The following ENPP6 variants were observed in gnomAD, a reference collection of about 807,000 sequenced individuals.
The protein encoded by ENPP6 is glycerophosphocholine cholinephosphodiesterase ENPP6.
A neutral mutation model predicts 42.0 loss-of-function variants in ENPP6; 32 were observed. That is an observed-to-expected ratio of 0.76 (90% CI 0.58 to 1.02). The LOEUF (loss-of-function observed/expected upper bound fraction) is 1.02, where lower values mean the gene tolerates loss of function less well. ENPP6 is among the 50% of genes least tolerant of loss of function. The pLI is 0.00. For missense variants in ENPP6, 552 were observed against 566.8 expected, an observed-to-expected ratio of 0.97 and a Z score of 0.27; for synonymous variants, 213 against 216.0, an observed-to-expected ratio of 0.99 and a Z score of 0.12.
chr4:184,109,850 G>A (rs965569207), intron 6 of ENPP6, among the ~76,000 whole-genome samples: 2 of 93,312 alleles, frequency 2.1e-5, no homozygotes, highest in East Asian at 3.6e-4. Flanking sequence ...AGACAAACGT[G>A]TGTGTGTGTG....
At chr4:184,164,709 A>G (rs971906466) in intron 1 of ENPP6, among the ~76,000 whole-genome samples, 3 of 152,228 alleles carry the variant, frequency 2.0e-5, no homozygotes, top group African/African-American at 4.8e-5. Flanking sequence ...TCGTTACAGC[A>G]GGCCTAGGAA....
intron 6 of ENPP6, among the ~76,000 whole-genome samples, chr4:184,099,739 T>C (rs1415338469): frequency 6.6e-6 from 1 of 152,238 alleles, no homozygotes; most frequent in Non-Finnish European, 1.5e-5. Flanking sequence ...TGTTTTTCCA[T>C]GGGAAGGTTT....
chr4:184,125,943 T>G (rs1736496642), intron 2 of ENPP6, among the ~76,000 whole-genome samples: 1 of 152,178 alleles, frequency 6.6e-6, no homozygotes, highest in African/African-American at 2.4e-5. Flanking sequence ...CTCAAAGCTA[T>G]TTTTTCTGTA....
chr4:184,150,103 C>T (rs894137712), intron 2 of ENPP6, among the ~76,000 whole-genome samples: 9 of 152,070 alleles, frequency 5.9e-5, no homozygotes, highest in African/African-American at 2.2e-4. Context: ...ATTTGGGGGG[C>T]CTCCCCTGAC....
At position 184,139,734 on chromosome 4, in the gene ENPP6, C is replaced by T. The variant is rs200750776; in HGVS notation, c.421+13820G>A. On this transcript the variant is annotated intron_variant, in intron 2 of 7. Coordinates refer to ENST00000296741, the MANE Select transcript of ENPP6 (RefSeq NM_153343.4). ...AGTATTCCATGGTGTATATGTGCCA[C>T]ATTTTCTTAATCCAGTCTATCATTG... 1.0e-3 allele frequency among the ~76,000 whole-genome samples: 75 copies of T among 74,242 alleles called. 3 individuals carry two copies. The East Asian group carries it at 0.011, about 11-fold the overall frequency. The allele number at this position is 74,242 out of a possible 152,430, so 48.7% of individuals were successfully genotyped here.
At chr4:184,214,578 ACC>A (rs1733169020) in intron 1 of ENPP6, among the ~76,000 whole-genome samples, 1 of 152,198 alleles carries the variant, frequency 6.6e-6, no homozygotes, top group Admixed American at 6.5e-5. Flanking sequence ...CTTTGAACCA[ACC>A]CAAATGCCCA....
At chr4:184,212,844 C>T (rs1733135225) in intron 1 of ENPP6, among the ~76,000 whole-genome samples, 1 of 152,108 alleles carries the variant, frequency 6.6e-6, no homozygotes, top group Admixed American at 6.5e-5. Flanking sequence ...AACTATACTA[C>T]AAGGCTACAG....
intron 7 of ENPP6, among the ~76,000 whole-genome samples, chr4:184,092,854 T>G (rs544406741): frequency 2.6e-5 from 4 of 152,350 alleles, no homozygotes; most frequent in South Asian, 4.1e-4. Flanking sequence ...GTAATTGCTT[T>G]GCTAAAGAAT....
intron 3 of ENPP6, among the ~76,000 whole-genome samples, chr4:184,122,535 G>T (rs1438336409): frequency 6.6e-6 from 1 of 151,532 alleles, no homozygotes; most frequent in Non-Finnish European, 1.5e-5. Context: ...CCCGCTGCAT[G>T]CTGGTGTCTC....
At chr4:184,101,605 G>A (rs1288121108) in intron 6 of ENPP6, among the ~76,000 whole-genome samples, 1 of 152,170 alleles carries the variant, frequency 6.6e-6, no homozygotes, top group East Asian at 1.9e-4. Flanking sequence ...ACCAAACAGG[G>A]TGACCAACTC....
intron 2 of ENPP6, among the ~76,000 whole-genome samples, chr4:184,130,248 G>A (rs1736572578): frequency 6.6e-6 from 1 of 152,072 alleles, no homozygotes; most frequent in African/African-American, 2.4e-5. Flanking sequence ...GTGCTGACAT[G>A]GGCAAGGGAT....
chr4:184,108,766 C>T (rs1056624851), intron 6 of ENPP6, among the ~76,000 whole-genome samples: 7 of 152,250 alleles, frequency 4.6e-5, no homozygotes, highest in South Asian at 2.1e-4. Flanking sequence ...GACTCAGGGA[C>T]GATTATGAGT....
At chr4:184,130,292 C>T (rs1177642855) in intron 2 of ENPP6, among the ~76,000 whole-genome samples, 2 of 151,782 alleles carry the variant, frequency 1.3e-5, no homozygotes, top group Non-Finnish European at 2.9e-5. Flanking sequence ...GGCGCGGTGG[C>T]TCATGCCTGT....
chr4:184,173,947 G>A (rs1399829146), intron 1 of ENPP6, among the ~76,000 whole-genome samples: 2 of 152,124 alleles, frequency 1.3e-5, no homozygotes, highest in Non-Finnish European at 2.9e-5. Context: ...CACCTGGTGG[G>A]TCACATCTGG....
At chr4:184,134,999 T>G (rs990450879) in intron 2 of ENPP6, among the ~76,000 whole-genome samples, 1 of 152,062 alleles carries the variant, frequency 6.6e-6, no homozygotes, top group South Asian at 2.1e-4. Flanking sequence ...ATTTTCCAAA[T>G]GTATGAGGAT....
At chr4:184,137,962 T>C (rs1420198511) in intron 2 of ENPP6, among the ~76,000 whole-genome samples, 1 of 152,236 alleles carries the variant, frequency 6.6e-6, no homozygotes, top group Non-Finnish European at 1.5e-5. Flanking sequence ...CAGCAGCTTT[T>C]CTAGTTGTTC....
chr4:184,184,849 C>T lies in ENPP6; in HGVS notation c.242-31116G>A, dbSNP rs1237031571. Reference sequence around the variant, plus strand: ...ACCCTTGATTTTGGACTTCTTGCCTCGAGAACCATGGCAGTCGATTCCTGT... The same window carrying T: ...ACCCTTGATTTTGGACTTCTTGCCTTGAGAACCATGGCAGTCGATTCCTGT... On this transcript the variant is annotated intron_variant, in intron 1 of 7. Coordinates refer to ENST00000296741, the MANE Select transcript of ENPP6 (RefSeq NM_153343.4). This position sits in a 1 kb window ranked among gnomAD's most constrained non-coding sequence, Gnocchi z 4.7. 1.3e-5 allele frequency among the ~76,000 whole-genome samples: 2 copies of T among 151,858 alleles called. No homozygotes were observed. Among genetic ancestry groups the T allele is most frequent in the East Asian group, 1.9e-4 (1 of 5,182 alleles).
At chr4:184,097,810 C>T (rs934189016) in intron 6 of ENPP6, among the ~76,000 whole-genome samples, 4 of 152,194 alleles carry the variant, frequency 2.6e-5, no homozygotes, top group African/African-American at 7.2e-5. Context: ...TTCTCCCACA[C>T]CTGAGTTAAT....
intron 1 of ENPP6, among the ~76,000 whole-genome samples, chr4:184,202,394 T>C (rs1214982134): frequency 2.6e-5 from 4 of 152,174 alleles, no homozygotes; most frequent in Non-Finnish European, 5.9e-5. Context: ...CAGCCCATCA[T>C]AAAGGATAGA....
Sources: allele counts gnomAD v4.1 joint callset (sites outside exome capture counted in the v4.1 genomes callset), GRCh38; gene constraint gnomAD v4.1.1; non-coding constraint Gnocchi (gnomAD v3.1); transcripts MANE v1.5; gene names NCBI Gene and HGNC (gene_info 2026-07-23, HGNC 2026-07-21).